The following COMMD10 variants were observed in gnomAD, a reference collection of about 807,000 sequenced individuals.
COMMD10 encodes the protein COMM domain-containing protein 10.
COMMD10 carries 33 observed loss-of-function variants against 28.9 expected under a neutral mutation model. The observed-to-expected ratio is 1.14, with a 90% CI of 0.87 to 1.53. The LOEUF (loss-of-function observed/expected upper bound fraction) is 1.53, where lower values mean the gene tolerates loss of function less well. Ranked by LOEUF, COMMD10 falls within the 40% of genes most tolerant of loss-of-function variation. COMMD10 has a pLI of 0.00. For synonymous variants in COMMD10, 110 were observed against 81.7 expected (o/e 1.35, Z -1.87); for missense variants, 310 against 233.4 (o/e 1.33, Z -2.14).
chr5:116,141,312 A>G (rs1290942798), intron 5 of COMMD10, among the ~76,000 whole-genome samples: 1 of 151,814 alleles, frequency 6.6e-6, no homozygotes, highest in African/African-American at 2.4e-5. Context: ...GTACCATACT[A>G]TTTTGGTTAC....
At chr5:116,275,892 C>T (rs1382314661) in intron 5 of COMMD10, among the ~76,000 whole-genome samples, 1 of 151,096 alleles carries the variant, frequency 6.6e-6, no homozygotes, top group Admixed American at 6.6e-5. Context: ...ATATAAGTAT[C>T]CCCTATTCTT....
intron 5 of COMMD10, among the ~76,000 whole-genome samples, chr5:116,266,774 A>T (rs756415487): frequency 1.3e-5 from 2 of 151,390 alleles, no homozygotes; most frequent in Non-Finnish European, 2.9e-5. Context: ...CATCCCTGGG[A>T]TGCAAGGCTG....
chr5:116,279,788 T>A (rs1048292547), intron 5 of COMMD10, among the ~76,000 whole-genome samples: 1 of 151,840 alleles, frequency 6.6e-6, no homozygotes, highest in Admixed American at 6.6e-5. Flanking sequence ...GAGATTTGAT[T>A]ACATTTTTTC....
chr5:116,286,033 C>G (rs1368290360), intron 5 of COMMD10, among the ~76,000 whole-genome samples: 1 of 151,790 alleles, frequency 6.6e-6, no homozygotes, highest in African/African-American at 2.4e-5. Flanking sequence ...CTGATTCAAT[C>G]TCTGTATTCA....
intron 5 of COMMD10, among the ~76,000 whole-genome samples, chr5:116,275,129 G>T (rs747335824): frequency 1.3e-5 from 2 of 151,692 alleles, no homozygotes; most frequent in African/African-American, 2.4e-5. Context: ...GCAGATACTT[G>T]TGCTTCATCT....
intron 5 of COMMD10, chr5:116,218,385 C>G: frequency 1.9e-6 from 1 of 529,914 alleles, no homozygotes; most frequent in Admixed American, 2.8e-5. Context: ...TCGTTCTTGC[C>G]TCTTGTTCAT....
intron 5 of COMMD10, among the ~76,000 whole-genome samples, chr5:116,218,882 T>C (rs550258193): frequency 3.1e-4 from 47 of 152,286 alleles, no homozygotes; most frequent in African/African-American, 1.1e-3. Flanking sequence ...GACAGTGTTA[T>C]AGATTGAATT....
intron 5 of COMMD10, among the ~76,000 whole-genome samples, chr5:116,213,204 A>G (rs1749011980): frequency 6.6e-6 from 1 of 152,116 alleles, no homozygotes; most frequent in Non-Finnish European, 1.5e-5. Context: ...GACCTTCTGA[A>G]TATATTAATG....
At chr5:116,279,568 G>A (rs1284390173) in intron 5 of COMMD10, among the ~76,000 whole-genome samples, 1 of 151,776 alleles carries the variant, frequency 6.6e-6, no homozygotes, top group East Asian at 1.9e-4. Context: ...CAGGGCTTGA[G>A]GTAGCAACAG....
intron 5 of COMMD10, among the ~76,000 whole-genome samples, chr5:116,282,190 T>G (rs1295866244): frequency 6.6e-6 from 1 of 151,884 alleles, no homozygotes; most frequent in African/African-American, 2.4e-5. Context: ...GAGTCATTTT[T>G]GACTCGTTTT....
At chr5:116,257,166 G>T (rs1456902325) in intron 5 of COMMD10, among the ~76,000 whole-genome samples, 1 of 151,148 alleles carries the variant, frequency 6.6e-6, no homozygotes, top group South Asian at 2.1e-4. Flanking sequence ...ACTATGTCCT[G>T]TGTTCCTGCA....
At chr5:116,175,094 A>G (rs567319497) in intron 5 of COMMD10, among the ~76,000 whole-genome samples, 3 of 152,302 alleles carry the variant, frequency 2.0e-5, no homozygotes, top group African/African-American at 4.8e-5. Context: ...TGCCACATTC[A>G]GAGTGGACTT....
chr5:116,186,436 C>T (rs1748141371), intron 5 of COMMD10, among the ~76,000 whole-genome samples: 1 of 152,080 alleles, frequency 6.6e-6, no homozygotes, highest in Non-Finnish European at 1.5e-5. Flanking sequence ...AGTTAATATT[C>T]TCCTTCTCTG....
intron 5 of COMMD10, among the ~76,000 whole-genome samples, chr5:116,267,912 C>T (rs1489404136): frequency 6.6e-6 from 1 of 151,868 alleles, no homozygotes; most frequent in African/African-American, 2.4e-5. Flanking sequence ...AAAGCTGAAA[C>T]TGGATCCCTT....
intron 5 of COMMD10, among the ~76,000 whole-genome samples, chr5:116,281,224 G>T (rs1434059211): frequency 2.0e-5 from 3 of 151,612 alleles, no homozygotes; most frequent in African/African-American, 7.3e-5. Context: ...ATGTATATGT[G>T]TTCCTAATTC....
chr5:116,125,270 A>G (rs2112758246), intron 4 of COMMD10, among the ~76,000 whole-genome samples: 1 of 151,910 alleles, frequency 6.6e-6, no homozygotes, highest in Middle Eastern at 3.4e-3. Flanking sequence ...GTCTGTCAGC[A>G]TTTGTCTGTA....
intron 5 of COMMD10, among the ~76,000 whole-genome samples, chr5:116,267,124 G>C (rs889224869): frequency 6.6e-6 from 1 of 151,796 alleles, no homozygotes; most frequent in Non-Finnish European, 1.5e-5. Flanking sequence ...AAGAAATAAA[G>C]GGTAGTCAAT....
At chr5:116,195,444 A>G (rs1192584305) in intron 5 of COMMD10, among the ~76,000 whole-genome samples, 3 of 152,196 alleles carry the variant, frequency 2.0e-5, no homozygotes, top group Non-Finnish European at 4.4e-5. Flanking sequence ...AGAACTGGTA[A>G]AAGAATTCAG....
At chr5:116,181,353 C>G (rs1747951923) in intron 5 of COMMD10, among the ~76,000 whole-genome samples, 1 of 150,282 alleles carries the variant, frequency 6.7e-6, no homozygotes, top group South Asian at 2.1e-4. Flanking sequence ...TATTATTGAC[C>G]AAGATTATGC....
Sources: gnomAD v4.1 joint callset for allele counts (sites outside exome capture counted in the v4.1 genomes callset) on GRCh38, gnomAD v4.1.1 for gene constraint, MANE v1.5 for transcripts, NCBI Gene and HGNC (gene_info 2026-07-23, HGNC 2026-07-21) for gene names.